Variants in NTM observed in about 807,000 individuals in gnomAD.
NTM encodes the protein IgLON family member 2.
NTM carries 13 observed loss-of-function variants against 42.1 expected under a neutral mutation model. The ratio of observed to expected loss-of-function variants is 0.31; its 90% CI spans 0.20 to 0.49. The LOEUF (loss-of-function observed/expected upper bound fraction) is 0.49, where lower values mean the gene tolerates loss of function less well. Ranked by LOEUF, NTM falls within the 20% of genes least tolerant of loss-of-function variation. The pLI is 0.99. For synonymous variants in NTM, 187 were observed against 179.2 expected (o/e 1.04, Z -0.35); for missense variants, 373 against 452.8 (o/e 0.82, Z 1.60).
chr11:132,299,913 CAT>C (rs1008725707), intron 4 of NTM, among the ~76,000 whole-genome samples: 12 of 151,574 alleles, frequency 7.9e-5, no homozygotes, highest in Admixed American at 2.0e-4. Context: ...ACGTATATTA[CAT>C]ATATATATAG....
chr11:132,052,791 G>GTGTA (rs2135937220), intron 2 of NTM, among the ~76,000 whole-genome samples: 1 of 151,994 alleles, frequency 6.6e-6, no homozygotes, highest in South Asian at 2.1e-4. Flanking sequence ...GTGTGTGTGT[G>GTGTA]TGTGTGTGTG....
At chr11:131,476,507 G>A (rs780354512) in intron 1 of NTM, among the ~76,000 whole-genome samples, 6 of 152,188 alleles carry the variant, frequency 3.9e-5, no homozygotes, top group African/African-American at 1.4e-4. Flanking sequence ...GGCAGATCCA[G>A]TCTTGGTTTC....
intron 1 of NTM, among the ~76,000 whole-genome samples, chr11:131,674,990 C>T (rs2071114962): frequency 1.3e-5 from 2 of 152,228 alleles, no homozygotes; most frequent in Non-Finnish European, 2.9e-5. Context: ...CCATTTCCTG[C>T]ATTCATCCCA....
intron 2 of NTM, among the ~76,000 whole-genome samples, chr11:132,141,880 G>T (rs760808423): frequency 2.6e-5 from 4 of 152,188 alleles, no homozygotes; most frequent in Non-Finnish European, 4.4e-5. Context: ...GGGGAAGGCC[G>T]CAGGAGGGAT....
chr11:131,848,450 A>G (rs2136775169), intron 1 of NTM, among the ~76,000 whole-genome samples: 1 of 152,296 alleles, frequency 6.6e-6, no homozygotes, highest in Non-Finnish European at 1.5e-5. Context: ...GGTAATATCA[A>G]TGGTAATATA....
intron 1 of NTM, among the ~76,000 whole-genome samples, chr11:131,465,034 A>G (rs1010438503): frequency 4.6e-5 from 7 of 152,186 alleles, no homozygotes; most frequent in African/African-American, 1.2e-4. Context: ...TACTGCACTG[A>G]GTTTAGCTGT....
intron 2 of NTM, among the ~76,000 whole-genome samples, chr11:131,938,628 A>T (rs914819850): frequency 6.6e-6 from 1 of 152,192 alleles, no homozygotes; most frequent in Non-Finnish European, 1.5e-5. Flanking sequence ...TGGCTAGTCT[A>T]TGTATGATGC....
chr11:131,484,433 A>G (rs1357910490), intron 1 of NTM, among the ~76,000 whole-genome samples: 1 of 152,182 alleles, frequency 6.6e-6, no homozygotes, highest in Non-Finnish European at 1.5e-5. Flanking sequence ...TGAATTTGCC[A>G]GTTAAAGGGT....
At chr11:131,758,747 C>T (rs924223827) in intron 1 of NTM, among the ~76,000 whole-genome samples, 1 of 152,014 alleles carries the variant, frequency 6.6e-6, no homozygotes, top group Admixed American at 6.6e-5. Context: ...CACACACCAC[C>T]GTCCCAGCTC....
chr11:131,871,925 C>G (rs1228261075), intron 1 of NTM, among the ~76,000 whole-genome samples: 1 of 152,206 alleles, frequency 6.6e-6, no homozygotes, highest in Non-Finnish European at 1.5e-5. Flanking sequence ...CAGCCAATTT[C>G]AGTCCTAAAA....
chr11:132,183,823 T>C (rs1226353731), intron 3 of NTM, among the ~76,000 whole-genome samples: 2 of 151,940 alleles, frequency 1.3e-5, no homozygotes, highest in Non-Finnish European at 2.9e-5. Flanking sequence ...ACCTGTGTTG[T>C]TAAAGGCAGT....
intron 4 of NTM, among the ~76,000 whole-genome samples, chr11:132,224,760 G>A (rs969798319): frequency 6.6e-6 from 1 of 152,196 alleles, no homozygotes; most frequent in Non-Finnish European, 1.5e-5. Flanking sequence ...GAGAAGAGAG[G>A]GTAGGGCTTA....
chr11:131,918,605 G>A (rs1039853991), intron 2 of NTM, among the ~76,000 whole-genome samples: 1 of 152,158 alleles, frequency 6.6e-6, no homozygotes, highest in African/African-American at 2.4e-5. Context: ...GATGGGTGGT[G>A]TCTGACTCCT....
At chr11:131,656,604 G>A (rs1313605594) in intron 1 of NTM, among the ~76,000 whole-genome samples, 1 of 152,212 alleles carries the variant, frequency 6.6e-6, no homozygotes, top group African/African-American at 2.4e-5. Context: ...GGTCACAGGA[G>A]GCAGAGCTCC....
At chr11:132,150,308 G>C (rs1315872904) in intron 3 of NTM, among the ~76,000 whole-genome samples, 2 of 151,930 alleles carry the variant, frequency 1.3e-5, no homozygotes, top group Non-Finnish European at 2.9e-5. Context: ...TCTCCCATTA[G>C]GCCCCCACCT....
intron 3 of NTM, among the ~76,000 whole-genome samples, chr11:132,172,903 C>T (rs1026527509): frequency 3.9e-5 from 6 of 152,130 alleles, no homozygotes; most frequent in Admixed American, 1.3e-4. Flanking sequence ...GCATTTGTGT[C>T]GGGAGCATTC....
At chr11:131,500,434 A>T (rs904969702) in intron 1 of NTM, among the ~76,000 whole-genome samples, 1 of 151,508 alleles carries the variant, frequency 6.6e-6, no homozygotes, top group Non-Finnish European at 1.5e-5. Context: ...GTCTCACAAC[A>T]GTCCTGCTAG....
chr11:131,913,683 G>C (rs1301501891), intron 2 of NTM, among the ~76,000 whole-genome samples: 1 of 152,170 alleles, frequency 6.6e-6, no homozygotes, highest in African/African-American at 2.4e-5. Flanking sequence ...TCTCAACCCA[G>C]TGGTATTGTT....
intron 1 of NTM, among the ~76,000 whole-genome samples, chr11:131,591,295 G>A (rs191260909): frequency 1.3e-3 from 204 of 152,306 alleles, no homozygotes; most frequent in African/African-American, 4.8e-3. Context: ...CTCCTGGGGG[G>A]CCCAGATCTG....
Sources: allele counts gnomAD v4.1 joint callset (sites outside exome capture counted in the v4.1 genomes callset), GRCh38; gene constraint gnomAD v4.1.1; transcripts MANE v1.5; gene names NCBI Gene and HGNC (gene_info 2026-07-23, HGNC 2026-07-21).